DNAAF5: variants seen among roughly 807,000 people sequenced by gnomAD.
DNAAF5 encodes the protein HEAT repeat containing 2.
A neutral mutation model predicts 75.8 loss-of-function variants in DNAAF5; 64 were observed. The observed-to-expected ratio is 0.84, with a 90% CI of 0.69 to 1.04. The LOEUF is 1.04. DNAAF5 is among the 50% of genes least tolerant of loss of function. DNAAF5 has a pLI of 0.00. For synonymous variants in DNAAF5, 657 were observed against 557.2 expected, an observed-to-expected ratio of 1.18 and a Z score of -2.52; for missense variants, 1,269 against 1,178.5, an observed-to-expected ratio of 1.08 and a Z score of -1.12.
chr7:785,773 C>A lies in DNAAF5; in HGVS notation c.*120C>A. On this transcript the variant is annotated 3_prime_UTR_variant, in exon 13 of 13. Coordinates refer to ENST00000297440, the MANE Select transcript of DNAAF5 (RefSeq NM_017802.4). The stretch of plus-strand genomic sequence containing the variant: ...GTGAGACTGTGACAGCAAGAATGTA[C>A]TCCTCAGGACACCTGCCCACTCTTT... 1 of 1,139,698 alleles carries A rather than the reference C, an allele frequency of 8.8e-7. No homozygotes were observed. Among genetic ancestry groups the A allele is most frequent in the African/African-American group, 1.5e-5 (1 of 64,708 alleles). 70.6% of individuals were successfully genotyped at this position (1,139,698 alleles called of 1,614,324 possible).
intron 8 of DNAAF5, chr7:768,881 ACAGT>A (rs1473449197): frequency 2.9e-5 from 14 of 486,102 alleles, no homozygotes; most frequent in Middle Eastern, 5.6e-4. Context: ...AGAGGGTGAA[ACAGT>A]CAGAAACTGG....
At chr7:783,794 C>G (rs796758631) in intron 12 of DNAAF5, among the ~76,000 whole-genome samples, 7 of 152,202 alleles carry the variant, frequency 4.6e-5, no homozygotes, top group African/African-American at 1.7e-4. Context: ...TACACACCAT[C>G]AACCCGAGTT....
chr7:758,706 A>G (rs1352216990), intron 6 of DNAAF5, among the ~76,000 whole-genome samples: 6 of 151,916 alleles, frequency 3.9e-5, no homozygotes, highest in Non-Finnish European at 7.4e-5. Flanking sequence ...TTTTTGGGAC[A>G]GAGTCTTGCT....
chr7:729,869 C>G (rs1287420480), intron 2 of DNAAF5, 22 bp downstream of exon 2: 2 of 1,611,476 alleles, frequency 1.2e-6, no homozygotes, highest in East Asian at 4.5e-5. Context: ...TTCTCCTGGA[C>G]AGTCTGTTCC....
chr7:770,328 C>T, intron 8 of DNAAF5, 143 bp from the exon 9 acceptor site: 1 of 669,774 alleles, frequency 1.5e-6, no homozygotes, highest in Non-Finnish European at 2.5e-6. Context: ...AATCACCTTA[C>T]TGATTGAGAA....
intron 4 of DNAAF5, among the ~76,000 whole-genome samples, chr7:743,806 A>G (rs943206873): frequency 1.3e-5 from 2 of 151,584 alleles, no homozygotes; most frequent in Non-Finnish European, 2.9e-5. Context: ...CACCACGCCC[A>G]GCTAATTTTG....
chr7:743,808 C>G (rs942970229), intron 4 of DNAAF5, among the ~76,000 whole-genome samples: 3 of 151,416 alleles, frequency 2.0e-5, no homozygotes, highest in Non-Finnish European at 4.4e-5. Context: ...CCACGCCCAG[C>G]TAATTTTGTA....
At chr7:733,062 G>GCAC (rs1781634342) in intron 2 of DNAAF5, among the ~76,000 whole-genome samples, 1 of 152,128 alleles carries the variant, frequency 6.6e-6, no homozygotes, top group Non-Finnish European at 1.5e-5. Flanking sequence ...TATGTCCTTG[G>GCAC]CACCTTTGTC....
intron 5 of DNAAF5, among the ~76,000 whole-genome samples, chr7:755,569 C>T (rs538735550): frequency 6.6e-6 from 1 of 152,268 alleles, no homozygotes; most frequent in Non-Finnish European, 1.5e-5. Context: ...TTCTAGTGGT[C>T]CAGGTCACTG....
In DNAAF5 at chr7:750,285, G is replaced by T. The variant is rs141639526; in HGVS notation, c.1025-4304G>T. Reference sequence around the variant, plus strand: ...CATCGCACAGCCAGGCACGTAGGAGGCTGCGCCATCTAGGCTTGTGTACGT... The same window carrying T: ...CATCGCACAGCCAGGCACGTAGGAGTCTGCGCCATCTAGGCTTGTGTACGT... On this transcript the variant is annotated intron_variant, in intron 4 of 12. Transcript: ENST00000297440. Among the ~76,000 whole-genome samples, 943 of 152,326 alleles carry T rather than the reference G, an allele frequency of 6.2e-3. 9 individuals are homozygous for T. The highest frequency in any genetic ancestry group is 0.024 in the Middle Eastern group (7 of 294).
At chr7:732,589 G>A (rs1312738942) in intron 2 of DNAAF5, 1 of 456,118 alleles carries the variant, frequency 2.2e-6, no homozygotes, top group Admixed American at 2.3e-5. Flanking sequence ...TTTCAGAGAT[G>A]AGTGTTTGTC....
chr7:776,318 A>G (rs1436498616), intron 11 of DNAAF5, among the ~76,000 whole-genome samples: 1 of 152,178 alleles, frequency 6.6e-6, no homozygotes, highest in East Asian at 1.9e-4. Context: ...CCTGGGTGAC[A>G]GAGCCAGACT....
intron 12 of DNAAF5, among the ~76,000 whole-genome samples, chr7:782,378 CAG>C (rs1778989759): frequency 6.6e-6 from 1 of 150,406 alleles, no homozygotes; most frequent in African/African-American, 2.5e-5. Flanking sequence ...CACGCGGCGT[CAG>C]AAACTCGCAT....
chr7:742,909 A>G (rs945363440), intron 4 of DNAAF5, among the ~76,000 whole-genome samples: 3 of 151,832 alleles, frequency 2.0e-5, no homozygotes, highest in Non-Finnish European at 4.4e-5. Flanking sequence ...AGCTCAAATC[A>G]ATCATTCCCA....
rs1483992967 is a variant in DNAAF5 at position 779,942 on chromosome 7, C to T, written c.2240-11C>T. 9 of 1,612,834 alleles carry T rather than the reference C, an allele frequency of 5.6e-6. No homozygotes were observed. Among genetic ancestry groups the T allele is most frequent in the African/African-American group, 2.7e-5 (2 of 74,900 alleles). The stretch of plus-strand genomic sequence containing the variant: ...CTAGACTCACACACCTGTCTCGCTC[C>T]CTCCTTCCAGAACTCTTAAAACGCC... On this transcript the variant is annotated splice_polypyrimidine_tract_variant and intron_variant, in intron 11 of 12. Transcript: ENST00000297440.
rs1346359187 is a variant in DNAAF5, at chr7:750,368, A to AC, written c.1025-4215dup. Among the ~76,000 whole-genome samples, 22 of 151,590 alleles carry AC rather than the reference A, an allele frequency of 1.5e-4. No individual in the cohort carries two copies. The South Asian group carries it at 4.0e-3, about 27-fold the overall frequency. ...CCCAATGACGTGTTTCCCAGAACGC[A>AC]CCCCCCACCGTTCAGCAACGCTTGA... is the stretch of plus-strand genomic sequence containing the variant. On this transcript the variant is annotated intron_variant, in intron 4 of 12. Transcript: ENST00000297440.
Position 786,125 on chromosome 7 carries a change from G to T in DNAAF5, c.*472G>T. Reference sequence around the variant, plus strand: ...TAATATCTCAGTGAACAGACTAAAAGGAATTTAGAATCCTAACAACTTATC... The same window carrying T: ...TAATATCTCAGTGAACAGACTAAAATGAATTTAGAATCCTAACAACTTATC... On this transcript the variant is annotated 3_prime_UTR_variant, in exon 13 of 13. Transcript: ENST00000297440. The T allele has an allele frequency of 6.5e-6, 1 of 154,056 alleles. No individual in the cohort carries two copies. The highest frequency in any genetic ancestry group is 1.4e-5 in the Non-Finnish European group (1 of 69,362). 9.5% of individuals were successfully genotyped at this position (154,056 alleles called of 1,614,324 possible). A position where few individuals can be genotyped will look rare whatever the true frequency, so the allele number is the denominator to read the frequency against.
At position 729,781 on chromosome 7, in the gene DNAAF5, C is replaced by T; in HGVS notation, c.714C>T (p.Gly238=). The part of the protein sequence containing the change: ...IEATGAVIHF[G]NGKSVDDVLS... ...CCACAGGCGCAGTGATCCATTTTGG[C>T]AACGGGAAGTCCGTGGACGACGTGC... is the stretch of plus-strand genomic sequence containing the variant. Residue 238 remains glycine (G), a synonymous_variant, in exon 2 of 13, where the codon GGC becomes GGT. Transcript: ENST00000297440. 3 of 1,614,210 alleles carry T rather than the reference C, an allele frequency of 1.9e-6. No homozygotes were observed. Among genetic ancestry groups the T allele is most frequent in the Non-Finnish European group, 2.5e-6 (3 of 1,180,042 alleles).
At chr7:782,671 C>A (rs371725001) in intron 12 of DNAAF5, among the ~76,000 whole-genome samples, 7 of 105,274 alleles carry the variant, frequency 6.6e-5, no homozygotes, top group Admixed American at 3.8e-4. Flanking sequence ...GAAACTCGAT[C>A]TTCCTGGCGT....
Sources: allele counts gnomAD v4.1 joint callset (sites outside exome capture counted in the v4.1 genomes callset), GRCh38; gene constraint gnomAD v4.1.1; transcripts MANE v1.5; gene names NCBI Gene and HGNC (gene_info 2026-07-23, HGNC 2026-07-21).